Variants in ABCD3 observed in about 807,000 individuals in gnomAD.
ABCD3 encodes ATP binding cassette subfamily D member 3.
ABCD3 carries 41 observed loss-of-function variants against 105.5 expected under a neutral mutation model. The ratio of observed to expected loss-of-function variants is 0.39; its 90% CI spans 0.30 to 0.50. The LOEUF is 0.50. Ranked by LOEUF, ABCD3 falls within the 20% of genes least tolerant of loss-of-function variation. ABCD3 has a pLI of 0.84. For missense variants in ABCD3, 622 were observed against 806.3 expected (o/e 0.77, Z 2.77); for synonymous variants, 258 against 269.0 (o/e 0.96, Z 0.40).
At chr1:94,470,426 G>A (rs1648397251) in intron 4 of ABCD3, among the ~76,000 whole-genome samples, 1 of 152,170 alleles carries the variant, frequency 6.6e-6, no homozygotes, top group Non-Finnish European at 1.5e-5. Flanking sequence ...GCTCCAGGGT[G>A]GGTATTGAGG....
chr1:94,399,944 T>C, the ABCD3 span, among the ~76,000 whole-genome samples: 1 of 152,156 alleles, frequency 6.6e-6, no homozygotes, highest in Admixed American at 6.5e-5. Flanking sequence ...TCATAGCATC[T>C]GGAGGCTGAG....
At chr1:94,509,791 A>G (rs943996280) in intron 21 of ABCD3, among the ~76,000 whole-genome samples, 4 of 152,324 alleles carry the variant, frequency 2.6e-5, no homozygotes, top group African/African-American at 9.6e-5. Flanking sequence ...TGTTTGTAGT[A>G]TTCTCCGATG....
chr1:94,460,195 C>T (rs538630104), intron 2 of ABCD3, among the ~76,000 whole-genome samples: 4 of 152,044 alleles, frequency 2.6e-5, no homozygotes, highest in Non-Finnish European at 2.9e-5. Flanking sequence ...TAATTTATTG[C>T]GGTAAATGTC....
At chr1:94,388,016 G>A in the ABCD3 span, among the ~76,000 whole-genome samples, 1 of 152,042 alleles carries the variant, frequency 6.6e-6, no homozygotes, top group Non-Finnish European at 1.5e-5. Context: ...ACTTAGAAAT[G>A]GTAGGTCTAT....
At chr1:94,486,064 G>A (rs902486597) in intron 10 of ABCD3, among the ~76,000 whole-genome samples, 1 of 151,688 alleles carries the variant, frequency 6.6e-6, no homozygotes, top group Non-Finnish European at 1.5e-5. Context: ...TTGTGGCGGG[G>A]GCCTATAATC....
At chr1:94,461,668 G>A (rs1354496059) in intron 2 of ABCD3, among the ~76,000 whole-genome samples, 1 of 151,954 alleles carries the variant, frequency 6.6e-6, no homozygotes, top group African/African-American at 2.4e-5. Context: ...CTTTTTTACA[G>A]TTGTATAGAG....
Position 94,510,231 on chromosome 1 carries a change from C to T in ABCD3, c.1845+3589C>T, listed in dbSNP as rs536224974. 2.6e-3 allele frequency among the ~76,000 whole-genome samples: 394 copies of T among 152,054 alleles called. 3 individuals are homozygous for T. The highest frequency in any genetic ancestry group is 9.2e-3 in the African/African-American group (381 of 41,490). On this transcript the variant is annotated intron_variant, in intron 21 of 22. Transcript: ENST00000370214. ...TTTCAAAGAACATCTTTATTTCTGC[C>T]TTCATTTCGTTATGTACCCATTAGT...
At chr1:94,458,921 C>G (rs924587896) in intron 2 of ABCD3, among the ~76,000 whole-genome samples, 1 of 149,358 alleles carries the variant, frequency 6.7e-6, no homozygotes, top group Non-Finnish European at 1.5e-5. Flanking sequence ...TCTTTTGTAT[C>G]GAGATATATC....
chr1:94,456,177 G>T (rs892533063), intron 1 of ABCD3, among the ~76,000 whole-genome samples: 4 of 146,664 alleles, frequency 2.7e-5, no homozygotes, highest in Admixed American at 6.9e-5. Context: ...AGATTATGCA[G>T]AATTTGTCTT....
chr1:94,512,077 A>C (rs2101067537), intron 21 of ABCD3, among the ~76,000 whole-genome samples: 1 of 152,134 alleles, frequency 6.6e-6, no homozygotes, highest in East Asian at 1.9e-4. Flanking sequence ...TCTGCTTTTT[A>C]GAGTTTCCAG....
intron 1 of ABCD3, chr1:94,455,688 G>T (rs1426818791): frequency 2.1e-6 from 1 of 482,014 alleles, no homozygotes; most frequent in Admixed American, 2.4e-5. Context: ...TATGTGTTCA[G>T]GCCAATTGAA....
At chr1:94,483,350 T>A in intron 10 of ABCD3, 111 bp downstream of exon 10, 1 of 762,120 alleles carries the variant, frequency 1.3e-6, no homozygotes, top group Non-Finnish European at 2.3e-6. Flanking sequence ...CACGTATGTA[T>A]ACATATCTTA....
intron 1 of ABCD3, among the ~76,000 whole-genome samples, chr1:94,444,915 C>A (rs762790308): frequency 6.6e-6 from 1 of 152,142 alleles, no homozygotes; most frequent in East Asian, 1.9e-4. Context: ...GCAGGTTTAC[C>A]GGAATGAGGG....
chr1:94,479,364 C>T (rs915084624), intron 8 of ABCD3, among the ~76,000 whole-genome samples: 1 of 151,472 alleles, frequency 6.6e-6, no homozygotes, highest in African/African-American at 2.4e-5. Flanking sequence ...AAGGCAGAAA[C>T]TGTTTTAGTT....
intron 20 of ABCD3, among the ~76,000 whole-genome samples, chr1:94,502,628 C>T (rs981036784): frequency 6.6e-6 from 1 of 151,862 alleles, no homozygotes; most frequent in African/African-American, 2.4e-5. Flanking sequence ...TCCCAAGTAG[C>T]TGGGATTACA....
chr1:94,451,981 T>G (rs1647283024), intron 1 of ABCD3, among the ~76,000 whole-genome samples: 1 of 152,204 alleles, frequency 6.6e-6, no homozygotes, highest in Non-Finnish European at 1.5e-5. Flanking sequence ...TTTTCATGCT[T>G]CTTTCTTCCA....
Position 94,431,353 on chromosome 1 carries a change from A to T in ABCD3, c.110+12765A>T, listed in dbSNP as rs116462902. Reference sequence around the variant, plus strand: ...CTACTCAAAAACAAAGAACCCAAAGATCATGCCACCAAGTCAAAGTCGAGT... The same window carrying T: ...CTACTCAAAAACAAAGAACCCAAAGTTCATGCCACCAAGTCAAAGTCGAGT... On this transcript the variant is annotated intron_variant, in intron 1 of 22. Coordinates refer to ENST00000370214, the MANE Select transcript of ABCD3 (RefSeq NM_002858.4). Among the ~76,000 whole-genome samples the T allele has an allele frequency of 7.2e-3, 1,102 of 152,304 alleles. 17 individuals are homozygous for T. Among genetic ancestry groups the T allele is most frequent in the African/African-American group, 0.025 (1,037 of 41,550 alleles).
chr1:94,456,255 A>ATTTTTT (rs71094301), intron 1 of ABCD3, among the ~76,000 whole-genome samples: 1 of 44,958 alleles, frequency 2.2e-5, no homozygotes, highest in African/African-American at 8.9e-5. Context: ...AAATGACAGA[A>ATTTTTT]TTTTTTTTTT....
Position 94,489,730 on chromosome 1 carries a change from C to G in ABCD3, c.1163C>G (p.Thr388Ser), listed in dbSNP as rs910134150. 2.5e-6 allele frequency: 4 copies of G among 1,611,918 alleles called. No homozygotes were observed. In the Admixed American group the frequency reaches 6.7e-5, roughly 27 times the overall value. The change falls in exon 14 of 23, where the codon ACT becomes AGT. Residue 388 changes from threonine to serine, a missense_variant. By Grantham distance (58) the Thr-to-Ser change is moderately conservative. Coordinates refer to ENST00000370214, the MANE Select transcript of ABCD3 (RefSeq NM_002858.4). ...TTCCTTTTCTAAAATTTTAGTTTTA[C>G]TGCTCGGATTACAGAATTAATGCAA... ...GREMTRLAGFTARITELMQVL... is the reference protein window; with the variant it reads ...GREMTRLAGFSARITELMQVL...
Sources: allele counts gnomAD v4.1 joint callset (sites outside exome capture counted in the v4.1 genomes callset), GRCh38; gene constraint gnomAD v4.1.1; transcripts MANE v1.5; gene names NCBI Gene and HGNC (gene_info 2026-07-23, HGNC 2026-07-21).